Variants in KAT7 observed in about 807,000 individuals in gnomAD.
KAT7 encodes histone acetyltransferase KAT7.
Under a neutral mutation model 82.1 loss-of-function variants are expected in KAT7, and 10 were observed. The ratio of observed to expected loss-of-function variants is 0.12; its 90% confidence interval spans 0.08 to 0.21. KAT7 has a LOEUF of 0.21. KAT7 is among the 10% of genes least tolerant of loss of function. The probability of loss-of-function intolerance (pLI) is 1.00; values close to 1 mark genes in which losing one functional copy is unlikely to be tolerated. For synonymous variants in KAT7, 250 were observed against 262.5 expected, an observed-to-expected ratio of 0.95 and a Z score of 0.46; for missense variants, 378 against 760.9, an observed-to-expected ratio of 0.50 and a Z score of 5.92.
rs937812657 is a variant in KAT7 at position 49,792,863 on chromosome 17, G to A, written c.163+830G>A. Among the ~76,000 whole-genome samples, 6 of 152,220 alleles carry A rather than the reference G, an allele frequency of 3.9e-5. No homozygotes were observed. In the Middle Eastern group the frequency reaches 0.017, roughly 431 times the overall value. ...CTTGTGCTCTGTTGCACAGGTTGGA[G>A]TGCAGTGGTGTGATCTTGGCTCACT... On this transcript the variant is annotated intron_variant, in intron 2 of 14. Coordinates refer to ENST00000259021, the MANE Select transcript of KAT7 (RefSeq NM_007067.5).
rs577128978 is a variant in KAT7 at position 49,799,090 on chromosome 17, GATAA to G, written c.580+537_580+540del. Among the ~76,000 whole-genome samples the G allele has an allele frequency of 1.9e-3, 290 of 152,272 alleles. 2 individuals are homozygous for G. Among genetic ancestry groups the G allele is most frequent in the African/African-American group, 6.8e-3 (282 of 41,546 alleles). On this transcript the variant is annotated intron_variant, in intron 4 of 14. Transcript: ENST00000259021. ...GAACAAGATAAAATATTTCTTCTGT[GATAA>G]ATAAGTATCTTATTATATTCTTATG...
chr17:49,834,950 G>A lies in KAT7; in HGVS notation c.*7448G>A, dbSNP rs1045282163. ...GCCCAGGAAGTCAAGGCTGTGGTCA[G>A]CTGAGATCCCACCAGTGTGCTCCAG... On this transcript the variant is annotated 3_prime_UTR_variant, in exon 15 of 15. Coordinates refer to ENST00000259021, the MANE Select transcript of KAT7 (RefSeq NM_007067.5). 1 of 152,352 alleles carries A rather than the reference G, an allele frequency of 6.6e-6. No individual in the cohort carries two copies. The highest frequency in any genetic ancestry group is 1.5e-5 in the Non-Finnish European group (1 of 68,172). The allele number at this position is 152,352 out of a possible 1,614,324, so 9.4% of individuals were successfully genotyped here.
At chr17:49,802,077 A>G (rs753367125) in intron 4 of KAT7, among the ~76,000 whole-genome samples, 2 of 152,196 alleles carry the variant, frequency 1.3e-5, no homozygotes, top group Non-Finnish European at 2.9e-5. Flanking sequence ...GGATATTTGT[A>G]TTTAGAGGCT....
At position 49,788,843 on chromosome 17, in the gene KAT7, A is replaced by C. The variant is rs138591805; in HGVS notation, c.9A>C (p.Arg3=). Residue 3 remains arginine, a synonymous_variant, in exon 1 of 15, where the codon CGA becomes CGC. Transcript: ENST00000259021. MP[R]RKRNAGSSSD... ...GGCCGCAGCCGCCGGCAATGCCGCG[A>C]AGGAAGGTGAGAAACGGGAGAGGAG... 4.4e-3 allele frequency: 6,964 copies of C among 1,587,166 alleles called. 26 individuals carry two copies. Among genetic ancestry groups the C allele is most frequent in the Non-Finnish European group, 4.9e-3 (5,680 of 1,165,186 alleles).
In KAT7 at chr17:49,833,928, A is replaced by T. The variant is rs972963633; in HGVS notation, c.*6426A>T. 10 of 152,194 alleles carry T rather than the reference A, an allele frequency of 6.6e-5. No individual in the cohort carries two copies. The highest frequency in any genetic ancestry group is 6.5e-4 in the Admixed American group (10 of 15,278). The allele number at this position is 152,194 out of a possible 1,614,324, so 9.4% of individuals were successfully genotyped here. A position where few individuals can be genotyped will look rare whatever the true frequency, so the allele number is the denominator to read the frequency against. On this transcript the variant is annotated 3_prime_UTR_variant, in exon 15 of 15. Coordinates refer to ENST00000259021, the MANE Select transcript of KAT7 (RefSeq NM_007067.5). The stretch of plus-strand genomic sequence containing the variant: ...GCCTTGTAGGTTGATTGGAAGCCAG[A>T]TGTGCCTAGAGGAAGGCTACCACCT...
rs2074450346 is a variant in KAT7 at position 49,834,828 on chromosome 17, T to C, written c.*7326T>C. The C allele has an allele frequency of 1.3e-5, 2 of 151,874 alleles. No homozygotes were observed. Among genetic ancestry groups the C allele is most frequent in the South Asian group, 2.1e-4 (1 of 4,822 alleles). 9.4% of individuals were successfully genotyped at this position (151,874 alleles called of 1,614,324 possible). On this transcript the variant is annotated 3_prime_UTR_variant, in exon 15 of 15. Transcript: ENST00000259021. ...GAGTTCGAGACCAGCCTGGGCAACA[T>C]AGGGAGACCCAATCCCTACAAAAAA...
At chr17:49,816,832 G>C (rs1437215125) in intron 8 of KAT7, among the ~76,000 whole-genome samples, 6 of 151,270 alleles carry the variant, frequency 4.0e-5, no homozygotes, top group Non-Finnish European at 8.8e-5. Flanking sequence ...TTTTTTCTGA[G>C]ACAGGGTTTT....
rs2074343863 is a variant in KAT7, at chr17:49,824,481, TC to T, written c.1480+1187del. ...TTCAGGCAATTCTACTGCCTCAGCC[TC>T]ACGAGTAGCTGGGATTACAGGCATG... is the stretch of plus-strand genomic sequence containing the variant. On this transcript the variant is annotated intron_variant, in intron 12 of 14. Transcript: ENST00000259021. 5 of 152,380 alleles carry T rather than the reference TC, an allele frequency of 3.3e-5. No individual in the cohort carries two copies. The South Asian group carries it at 8.3e-4, about 25-fold the overall frequency. The allele number at this position is 152,380 out of a possible 1,614,324, so 9.4% of individuals were successfully genotyped here.
chr17:49,805,630 A>T (rs1185910057), intron 5 of KAT7, among the ~76,000 whole-genome samples, 185 bp downstream of exon 5: 1 of 152,206 alleles, frequency 6.6e-6, no homozygotes, highest in East Asian at 1.9e-4. Flanking sequence ...AGACAAAAGA[A>T]TTGTAATATG....
At chr17:49,819,990 C>T (rs759017173) in intron 9 of KAT7, among the ~76,000 whole-genome samples, 2 of 152,228 alleles carry the variant, frequency 1.3e-5, no homozygotes, top group Non-Finnish European at 2.9e-5. Context: ...TGCGGTGGCT[C>T]ATACCTGTAA....
chr17:49,826,957 G>A, intron 14 of KAT7, 158 bp downstream of exon 14: 6 of 565,628 alleles, frequency 1.1e-5, no homozygotes, highest in Non-Finnish European at 1.9e-5. Context: ...TGATGCCTGT[G>A]TTGCCTTATC....
chr17:49,807,270 C>A (rs1049676190), intron 5 of KAT7, among the ~76,000 whole-genome samples: 3 of 152,078 alleles, frequency 2.0e-5, no homozygotes, highest in African/African-American at 4.8e-5. Flanking sequence ...GAGTCTGTTT[C>A]GGGGGTGAGG....
chr17:49,834,604 C>G lies in KAT7; in HGVS notation c.*7102C>G, dbSNP rs2074448789. The G allele has an allele frequency of 6.6e-6, 1 of 152,256 alleles. No homozygotes were observed. The highest frequency in any genetic ancestry group is 2.4e-5 in the African/African-American group (1 of 41,470). 9.4% of individuals were successfully genotyped at this position (152,256 alleles called of 1,614,324 possible). On this transcript the variant is annotated 3_prime_UTR_variant, in exon 15 of 15. Transcript: ENST00000259021. ...TTCATCATTCCCTTACACATAACCT[C>G]AACGTGCAACAGGATTAGTCTATTA... is the stretch of plus-strand genomic sequence containing the variant.
intron 9 of KAT7, among the ~76,000 whole-genome samples, chr17:49,818,695 G>A (rs1003854765): frequency 6.0e-5 from 9 of 150,996 alleles, no homozygotes; most frequent in Non-Finnish European, 1.3e-4. Flanking sequence ...GTGCGGAACA[G>A]GGGAAGGAGT....
intron 4 of KAT7, among the ~76,000 whole-genome samples, chr17:49,803,888 GTCTT>G (rs2074057123): frequency 6.9e-6 from 1 of 144,546 alleles, no homozygotes; most frequent in African/African-American, 2.6e-5. Context: ...CAAATTAAAT[GTCTT>G]TTTTTTTTTT....
At position 49,826,687 on chromosome 17, in the gene KAT7, T is replaced by C; in HGVS notation, c.1628-6T>C. 3 of 1,606,350 alleles carry C rather than the reference T, an allele frequency of 1.9e-6. No homozygotes were observed. Among genetic ancestry groups the C allele is most frequent in the Non-Finnish European group, 2.6e-6 (3 of 1,174,924 alleles). On this transcript the variant is annotated splice_polypyrimidine_tract_variant and splice_region_variant and intron_variant, in intron 13 of 14. Coordinates refer to ENST00000259021, the MANE Select transcript of KAT7 (RefSeq NM_007067.5). The stretch of plus-strand genomic sequence containing the variant: ...GGCCAGGTTGTCAGTACTTCTTCTG[T>C]TTCAGAAATCAGTCAGGAGACGGCT...
In KAT7 at chr17:49,833,057, A is replaced by T. The variant is rs1209521771; in HGVS notation, c.*5555A>T. 6.6e-6 allele frequency: 1 copy of T among 152,246 alleles called. No individual in the cohort carries two copies. The highest frequency in any genetic ancestry group is 2.4e-5 in the African/African-American group (1 of 41,462). The allele number at this position is 152,246 out of a possible 1,614,324, so 9.4% of individuals were successfully genotyped here. ...CCAAGAAGGAAACAAAGGATTGCCCAGCGATGAGAAATGTCCCTGGTGCCA... is the reference window on the plus strand; with the variant it reads ...CCAAGAAGGAAACAAAGGATTGCCCTGCGATGAGAAATGTCCCTGGTGCCA... On this transcript the variant is annotated 3_prime_UTR_variant, in exon 15 of 15. Coordinates refer to ENST00000259021, the MANE Select transcript of KAT7 (RefSeq NM_007067.5).
chr17:49,822,717 C>G (rs761539632), intron 11 of KAT7, among the ~76,000 whole-genome samples: 2 of 152,110 alleles, frequency 1.3e-5, no homozygotes, highest in Admixed American at 1.3e-4. Flanking sequence ...TCTACTCAAT[C>G]CCTCTCAGTT....
intron 4 of KAT7, among the ~76,000 whole-genome samples, chr17:49,800,012 T>A (rs1229667969): frequency 7.3e-6 from 1 of 137,512 alleles, no homozygotes; most frequent in East Asian, 2.0e-4. Flanking sequence ...TTCCTGGCCT[T>A]TTTTTTTTTT....
Sources: gnomAD v4.1 joint callset for allele counts (sites outside exome capture counted in the v4.1 genomes callset) on GRCh38, gnomAD v4.1.1 for gene constraint, MANE v1.5 for transcripts, NCBI Gene and HGNC (gene_info 2026-07-23, HGNC 2026-07-21) for gene names.